Variants in SLC12A3 observed in about 807,000 individuals in gnomAD.
The protein encoded by SLC12A3 is solute carrier family 12 member 3.
In SLC12A3, 104 loss-of-function variants were observed where a neutral mutation model predicts 121.0. The ratio of observed to expected loss-of-function variants is 0.86; its 90% CI spans 0.73 to 1.01. The LOEUF (loss-of-function observed/expected upper bound fraction) is 1.01, where lower values mean the gene tolerates loss of function less well. Among genes scored for constraint, SLC12A3 ranks in the 50% least tolerant of loss-of-function variants. The pLI is 0.00. For missense variants in SLC12A3, 1,328 were observed against 1,356.3 expected (o/e 0.98, Z 0.33); for synonymous variants, 536 against 533.4 (o/e 1.00, Z -0.07).
At chr16:56,897,429 A>G (rs530139707) in intron 22 of SLC12A3, among the ~76,000 whole-genome samples, 69 of 152,336 alleles carry the variant, frequency 4.5e-4, no homozygotes, top group African/African-American at 1.5e-3. Context: ...ACCCGGTCCT[A>G]TGCCAGGATG....
At chr16:56,888,644 C>T (rs1010349286) in intron 18 of SLC12A3, among the ~76,000 whole-genome samples, 9 of 146,982 alleles carry the variant, frequency 6.1e-5, no homozygotes, top group African/African-American at 1.2e-4. Flanking sequence ...CTGCAAGCTC[C>T]GCCTCCCGGG....
rs1248733651 is a variant in SLC12A3, at chr16:56,873,058, G to A, written c.1095+272G>A. Among the ~76,000 whole-genome samples the A allele has an allele frequency of 2.0e-5, 3 of 152,206 alleles. No individual in the cohort carries two copies. The East Asian group carries it at 5.8e-4, about 29-fold the overall frequency. ...CCCAGAACTCTCAGCCTTAGGGGAA[G>A]ACTGGCCCAGCTGTGACCTTAAGAG... On this transcript the variant is annotated intron_variant, in intron 8 of 25. Transcript: ENST00000563236.
intron 17 of SLC12A3, 119 bp from the exon 18 acceptor site, chr16:56,887,798 ATTTTTTTT>A (rs1211988197): frequency 1.9e-4 from 13 of 68,496 alleles, no homozygotes; most frequent in African/African-American, 2.9e-4. Flanking sequence ...ATATATATAT[ATTTTTTTT>A]TTTTTTTTTT....
chr16:56,873,743 G>A (rs144939866), intron 8 of SLC12A3, among the ~76,000 whole-genome samples: 12 of 128,998 alleles, frequency 9.3e-5, no homozygotes, highest in African/African-American at 2.4e-4. Flanking sequence ...TCGGTCTGTC[G>A]CCCAGGCTGG....
At chr16:56,885,656 C>T (rs1376078030) in intron 15 of SLC12A3, among the ~76,000 whole-genome samples, 14 of 152,130 alleles carry the variant, frequency 9.2e-5, no homozygotes, top group East Asian at 3.9e-4. Context: ...ACAGTATCGC[C>T]GGAGCCAATG....
intron 22 of SLC12A3, among the ~76,000 whole-genome samples, chr16:56,895,761 T>A (rs1181096317): frequency 6.6e-6 from 1 of 151,984 alleles, no homozygotes; most frequent in African/African-American, 2.4e-5. Context: ...TCTATTATGA[T>A]TACATGGTAA....
At chr16:56,887,241 AC>A in intron 17 of SLC12A3, 148 bp downstream of exon 17, 1 of 929,336 alleles carries the variant, frequency 1.1e-6, no homozygotes, top group Non-Finnish European at 1.6e-6. Context: ...TTTACTTGTC[AC>A]CCAGGCTGGA....
At position 56,868,330 on chromosome 16, in the gene SLC12A3, C is replaced by T. The variant is rs747439756; in HGVS notation, c.463C>T (p.Leu155Phe). 3.1e-6 allele frequency: 5 copies of T among 1,613,864 alleles called. No individual in the cohort carries two copies. Among genetic ancestry groups the T allele is most frequent in the Non-Finnish European group, 4.2e-6 (5 of 1,179,988 alleles). ...CATGCTCAACATTTGGGGCGTGATC[C>T]TCTACCTGCGGCTGCCCTGGATTAC... ...RCMLNIWGVI[L>F]YLRLPWITAQ... Residue 155 changes from leucine (L) to phenylalanine (F), a missense_variant, in exon 3 of 26, where the codon CTC becomes TTC. Coordinates refer to ENST00000563236, the MANE Select transcript of SLC12A3 (RefSeq NM_001126108.2).
intron 14 of SLC12A3, 73 bp from the exon 15 acceptor site, chr16:56,885,192 C>A: frequency 2.1e-6 from 2 of 949,138 alleles, no homozygotes; most frequent in Non-Finnish European, 3.3e-6. Context: ...TTACCTCTGT[C>A]CCTCCACGTG....
intron 24 of SLC12A3, among the ~76,000 whole-genome samples, chr16:56,903,499 T>C (rs2055566641): frequency 6.6e-6 from 1 of 152,212 alleles, no homozygotes; most frequent in Non-Finnish European, 1.5e-5. Context: ...GGGCTGCTAC[T>C]GTCAGGCAGT....
intron 24 of SLC12A3, chr16:56,904,186 G>T: frequency 1.8e-6 from 1 of 548,100 alleles, no homozygotes; most frequent in South Asian, 1.8e-5. Context: ...GCCACAGAAT[G>T]CTTCTTGGAG....
chr16:56,894,031 T>C (rs2055429050), intron 21 of SLC12A3, among the ~76,000 whole-genome samples: 1 of 149,452 alleles, frequency 6.7e-6, no homozygotes, highest in Admixed American at 6.7e-5. Context: ...TGAGATGGAG[T>C]CTCACTCTGT....
Position 56,899,538 on chromosome 16 carries a change from C to A in SLC12A3, c.2642C>A (p.Ser881Tyr). 1 of 1,613,236 alleles carries A rather than the reference C, an allele frequency of 6.2e-7. No homozygotes were observed. Among genetic ancestry groups the A allele is most frequent in the Non-Finnish European group, 8.5e-7 (1 of 1,179,150 alleles). ...RMDQERKAII[S>Y]LLSKFRLGFH... Reference sequence around the variant, plus strand: ...CTCCATGTGTCCTCCAGGATCATTTCTCTGCTGAGCAAGTTCCGACTGGGA... The same window carrying A: ...CTCCATGTGTCCTCCAGGATCATTTATCTGCTGAGCAAGTTCCGACTGGGA... Residue 881 changes from serine to tyrosine, a missense_variant, in exon 23 of 26, where the codon TCT (serine) becomes TAT (tyrosine). Coordinates refer to ENST00000563236, the MANE Select transcript of SLC12A3 (RefSeq NM_001126108.2).
chr16:56,915,509 G>C lies in SLC12A3; in HGVS notation c.*2104G>C, dbSNP rs534529573. ...GGCACGGCCAAGCTGACTAGGAACA[G>C]CTCTCGTGCTCCTGAGGGACCTGGA... On this transcript the variant is annotated 3_prime_UTR_variant, in exon 26 of 26. Coordinates refer to ENST00000563236, the MANE Select transcript of SLC12A3 (RefSeq NM_001126108.2). The C allele has an allele frequency of 1.4e-4, 22 of 152,356 alleles. No homozygotes were observed. The East Asian group carries it at 4.2e-3, about 29-fold the overall frequency. The allele number at this position is 152,356 out of a possible 1,614,324, so 9.4% of individuals were successfully genotyped here.
chr16:56,880,574 C>T (rs1348791763), intron 12 of SLC12A3, among the ~76,000 whole-genome samples: 1 of 152,136 alleles, frequency 6.6e-6, no homozygotes, highest in East Asian at 1.9e-4. Context: ...GCATCCCCCT[C>T]CCCAGGCCTA....
intron 8 of SLC12A3, among the ~76,000 whole-genome samples, chr16:56,873,588 A>G (rs2055130111): frequency 1.3e-5 from 2 of 150,864 alleles, no homozygotes; most frequent in African/African-American, 2.4e-5. Context: ...GAGTTTTGCT[A>G]TGTTGGCCAG....
At chr16:56,909,919 C>G (rs2055663124) in intron 25 of SLC12A3, among the ~76,000 whole-genome samples, 1 of 152,212 alleles carries the variant, frequency 6.6e-6, no homozygotes, top group South Asian at 2.1e-4. Flanking sequence ...TTGCTGTTCA[C>G]TAATCAGTGG....
Position 56,867,171 on chromosome 16 carries a change from G to C in SLC12A3, c.384G>C (p.Lys128Asn). Residue 128 changes from lysine to asparagine, a missense_variant, in exon 2 of 26, where the codon AAG (lysine) becomes AAC (asparagine). Lys to Asn is a moderately conservative substitution (Grantham distance 94, BLOSUM62 0). Transcript: ENST00000563236. ...VEGEAGTSSE[K>N]NPEEPVRFGW... is the part of the protein sequence containing the mutation. ...GCGAGGCAGGCACCAGCAGCGAGAA[G>C]AACCCCGAGGAGCCAGTGCGCTTCG... The C allele has an allele frequency of 6.2e-7, 1 of 1,613,870 alleles. No homozygotes were observed. Among genetic ancestry groups the C allele is most frequent in the East Asian group, 2.2e-5 (1 of 44,866 alleles).
intron 25 of SLC12A3, among the ~76,000 whole-genome samples, chr16:56,908,992 G>C (rs988207593): frequency 3.9e-5 from 6 of 152,226 alleles, no homozygotes; most frequent in Non-Finnish European, 8.8e-5. Flanking sequence ...TTAGCCCACT[G>C]TGTGGCCTTG....
Sources: allele counts gnomAD v4.1 joint callset (sites outside exome capture counted in the v4.1 genomes callset), GRCh38; gene constraint gnomAD v4.1.1; transcripts MANE v1.5; gene names NCBI Gene and HGNC (gene_info 2026-07-23, HGNC 2026-07-21).